CSMD3: variants seen among roughly 807,000 people sequenced by gnomAD.
CSMD3 encodes the protein CUB and sushi domain-containing protein 3.
In CSMD3, 177 loss-of-function variants were observed where a neutral mutation model predicts 435.2. The observed-to-expected ratio is 0.41, with a 90% confidence interval of 0.36 to 0.46. The LOEUF is 0.46. CSMD3 is among the 20% of genes least tolerant of loss of function. CSMD3 has a pLI of 0.34. For missense variants in CSMD3, 4,265 were observed against 4,504.6 expected (o/e 0.95, Z 1.52); for synonymous variants, 1,656 against 1,520.5 (o/e 1.09, Z -2.07).
intron 2 of CSMD3, among the ~76,000 whole-genome samples, chr8:113,287,726 A>G (rs999705159): frequency 1.3e-5 from 2 of 151,978 alleles, no homozygotes; most frequent in Non-Finnish European, 2.9e-5. Context: ...GGACTTCAGA[A>G]AGTTTTAGAG....
intron 4 of CSMD3, among the ~76,000 whole-genome samples, chr8:113,115,361 T>G (rs2090790430): frequency 6.6e-6 from 1 of 152,180 alleles, no homozygotes; most frequent in Admixed American, 6.5e-5. Context: ...GCTTGATGAA[T>G]TTTCACAAAA....
At chr8:113,126,326 C>T (rs1353092642) in intron 4 of CSMD3, among the ~76,000 whole-genome samples, 3 of 151,668 alleles carry the variant, frequency 2.0e-5, no homozygotes, top group African/African-American at 7.3e-5. Context: ...TTCCTGTGGC[C>T]TTTTAATGTC....
At chr8:112,853,828 C>G (rs2080568027) in intron 11 of CSMD3, among the ~76,000 whole-genome samples, 1 of 152,206 alleles carries the variant, frequency 6.6e-6, no homozygotes, top group Admixed American at 6.5e-5. Flanking sequence ...GCCAACCCTT[C>G]TGTATTCTGC....
At chr8:112,895,007 G>A (rs913256989) in intron 10 of CSMD3, among the ~76,000 whole-genome samples, 1 of 151,314 alleles carries the variant, frequency 6.6e-6, no homozygotes, top group Non-Finnish European at 1.5e-5. Flanking sequence ...ATGAGAGTTT[G>A]ACTTAGAAGG....
At position 112,626,225 on chromosome 8, in the gene CSMD3, C is replaced by G. The variant is rs1226645511; in HGVS notation, c.3715+10592G>C. 2.0e-5 allele frequency among the ~76,000 whole-genome samples: 3 copies of G among 152,084 alleles called. No individual in the cohort carries two copies. The East Asian group carries it at 5.8e-4, about 29-fold the overall frequency. ...TAGGCAGAATAATGGCAGTCCTACT[C>G]TCTCGTATTCAACCGAAGCCCACCC... On this transcript the variant is annotated intron_variant, in intron 22 of 70. Coordinates refer to ENST00000297405, the MANE Select transcript of CSMD3 (RefSeq NM_198123.2).
intron 8 of CSMD3, among the ~76,000 whole-genome samples, chr8:112,948,212 A>G (rs1395096025): frequency 6.6e-6 from 1 of 151,988 alleles, no homozygotes; most frequent in African/African-American, 2.4e-5. Flanking sequence ...CAGAGTTTCC[A>G]TTAATCACTG....
intron 70 of CSMD3, among the ~76,000 whole-genome samples, chr8:112,227,818 G>A (rs540902597): frequency 5.3e-5 from 8 of 152,122 alleles, no homozygotes; most frequent in South Asian, 2.1e-4. Context: ...CGAGGCGGGC[G>A]GATCACGAGG....
At chr8:113,398,023 C>T (rs1354694569) in intron 1 of CSMD3, among the ~76,000 whole-genome samples, 1 of 151,910 alleles carries the variant, frequency 6.6e-6, no homozygotes. Flanking sequence ...AAGTTGTGAA[C>T]ATTAAGTGAG....
chr8:112,505,176 T>C (rs940073676), intron 29 of CSMD3, among the ~76,000 whole-genome samples: 1 of 152,134 alleles, frequency 6.6e-6, no homozygotes, highest in Non-Finnish European at 1.5e-5. Flanking sequence ...TTTTCTTATA[T>C]ATGGGCCCCT....
At chr8:113,203,322 C>A (rs956205086) in intron 3 of CSMD3, among the ~76,000 whole-genome samples, 13 of 151,988 alleles carry the variant, frequency 8.6e-5, no homozygotes, top group Non-Finnish European at 1.5e-4. Flanking sequence ...TTTCCTGAGA[C>A]AGAGTCTCTG....
At chr8:112,732,949 G>C (rs1437800177) in intron 13 of CSMD3, among the ~76,000 whole-genome samples, 1 of 152,028 alleles carries the variant, frequency 6.6e-6, no homozygotes, top group Non-Finnish European at 1.5e-5. Flanking sequence ...AATATGAAAA[G>C]TAAACACAAT....
intron 38 of CSMD3, among the ~76,000 whole-genome samples, chr8:112,358,911 A>C (rs1826903913): frequency 6.6e-6 from 1 of 152,218 alleles, no homozygotes; most frequent in African/African-American, 2.4e-5. Flanking sequence ...ATCTAAAATA[A>C]AAGTTAAAAT....
At chr8:112,305,065 ATT>A (rs1302794364) in intron 51 of CSMD3, 150 bp from the exon 52 acceptor site, 3 of 691,208 alleles carry the variant, frequency 4.3e-6, no homozygotes, top group Non-Finnish European at 7.7e-6. Flanking sequence ...GCATGTTGAT[ATT>A]TTCCATTCCC....
At chr8:113,024,285 GTA>G (rs1411456357) in intron 5 of CSMD3, among the ~76,000 whole-genome samples, 1 of 135,868 alleles carries the variant, frequency 7.4e-6, no homozygotes, top group African/African-American at 2.7e-5. Flanking sequence ...ATTCCACTGA[GTA>G]TTGTGTGTGT....
At chr8:112,420,231 A>G (rs1812330039) in intron 32 of CSMD3, among the ~76,000 whole-genome samples, 3 of 152,226 alleles carry the variant, frequency 2.0e-5, no homozygotes, top group African/African-American at 7.2e-5. Context: ...TTCAACACTT[A>G]TCAACATTAT....
At chr8:113,302,294 A>ATATATTATATATATTATATAT (rs1423825506) in intron 2 of CSMD3, among the ~76,000 whole-genome samples, 1 of 14,640 alleles carries the variant, frequency 6.8e-5, no homozygotes, top group African/African-American at 7.3e-4. Context: ...TATATAATAT[A>ATATATTATATATATTATATAT]ATATAATATA....
intron 4 of CSMD3, among the ~76,000 whole-genome samples, chr8:113,124,287 TATCTC>T (rs1305707426): frequency 1.3e-5 from 2 of 151,970 alleles, no homozygotes; most frequent in Admixed American, 6.6e-5. Context: ...TTTTAAGAAT[TATCTC>T]AGAGGAATAA....
At chr8:112,532,142 A>G (rs1317217082) in intron 27 of CSMD3, among the ~76,000 whole-genome samples, 1 of 152,094 alleles carries the variant, frequency 6.6e-6, no homozygotes, top group Non-Finnish European at 1.5e-5. Context: ...AGAAGAAAGA[A>G]TTCATGACAT....
intron 59 of CSMD3, among the ~76,000 whole-genome samples, chr8:112,267,002 T>G (rs551207321): frequency 1.3e-5 from 2 of 152,308 alleles, no homozygotes; most frequent in South Asian, 2.1e-4. Context: ...GGTTATTTTT[T>G]TTCTCTCTCT....
Sources: allele counts gnomAD v4.1 joint callset (sites outside exome capture counted in the v4.1 genomes callset), GRCh38; gene constraint gnomAD v4.1.1; transcripts MANE v1.5; gene names NCBI Gene and HGNC (gene_info 2026-07-23, HGNC 2026-07-21).